Variants in MAGI1 observed in about 807,000 individuals in gnomAD.
The protein encoded by MAGI1 is membrane associated guanylate kinase, WW and PDZ domain containing 1.
In MAGI1, 58 loss-of-function variants were observed where a neutral mutation model predicts 139.9. The ratio of observed to expected loss-of-function variants is 0.41; its 90% confidence interval spans 0.34 to 0.52. MAGI1 has a LOEUF of 0.52. MAGI1 is among the 20% of genes least tolerant of loss of function. The pLI, the probability that MAGI1 is intolerant of heterozygous loss-of-function variation, is 0.12. For missense variants in MAGI1, 1,874 were observed against 1,901.6 expected (o/e 0.99, Z 0.27); for synonymous variants, 812 against 737.9 (o/e 1.10, Z -1.63).
At chr3:65,748,388 T>G (rs1257340190) in intron 1 of MAGI1, among the ~76,000 whole-genome samples, 3 of 152,122 alleles carry the variant, frequency 2.0e-5, no homozygotes, top group Non-Finnish European at 4.4e-5. Flanking sequence ...TGGGGATGAT[T>G]AATGCAAAGC....
chr3:65,877,541 T>C lies in MAGI1; in HGVS notation c.313+160455A>G, dbSNP rs2060162762. On this transcript the variant is annotated intron_variant, in intron 1 of 22. Coordinates refer to ENST00000402939, the MANE Select transcript of MAGI1 (RefSeq NM_001033057.2). Reference sequence around the variant, plus strand: ...GAAGACAGCATGCCTCTAAGACACTTGGAGAAAGTGTCTTAGCTCTCAGAC... The same window carrying C: ...GAAGACAGCATGCCTCTAAGACACTCGGAGAAAGTGTCTTAGCTCTCAGAC... Among the ~76,000 whole-genome samples, 7 of 152,128 alleles carry C rather than the reference T, an allele frequency of 4.6e-5. No homozygotes were observed. In the South Asian group the frequency reaches 1.5e-3, roughly 32 times the overall value.
At chr3:65,657,083 C>T (rs2085921371) in intron 1 of MAGI1, among the ~76,000 whole-genome samples, 1 of 151,576 alleles carries the variant, frequency 6.6e-6, no homozygotes, top group South Asian at 2.1e-4. Context: ...CTACTACATG[C>T]CAAGTATTGG....
intron 1 of MAGI1, among the ~76,000 whole-genome samples, chr3:65,730,387 G>A (rs2034063879): frequency 6.6e-6 from 1 of 152,138 alleles, no homozygotes. Flanking sequence ...ACCTTTCCAA[G>A]CAACATATCC....
chr3:65,478,780 G>T lies in MAGI1; in HGVS notation c.569C>A (p.Pro190His). 6.2e-7 allele frequency: 1 copy of T among 1,613,652 alleles called. No individual in the cohort carries two copies. Among genetic ancestry groups the T allele is most frequent in the Non-Finnish European group, 8.5e-7 (1 of 1,179,722 alleles). Residue 190 changes from proline (P) to histidine (H), a missense_variant, in exon 4 of 23, where the codon CCC (proline) becomes CAC (histidine). Coordinates refer to ENST00000402939, the MANE Select transcript of MAGI1 (RefSeq NM_001033057.2). ...GTYEGNYYGT[P>H]KPPSQPVSGK... ...ACTGACTGGCTGGCTAGGAGGCTTG[G>T]GTGTCCCATAATAGTTTCCTAGGTG...
chr3:65,762,609 T>C (rs772696538), intron 1 of MAGI1, among the ~76,000 whole-genome samples: 19 of 152,208 alleles, frequency 1.2e-4, no homozygotes, highest in African/African-American at 4.3e-4. Flanking sequence ...ACAAAAATGC[T>C]ATCAGTAACA....
At chr3:65,928,043 T>C (rs2062608167) in intron 1 of MAGI1, among the ~76,000 whole-genome samples, 1 of 152,172 alleles carries the variant, frequency 6.6e-6, no homozygotes, top group African/African-American at 2.4e-5. Context: ...TTTTTTTTCT[T>C]AGAATTTTCA....
intron 1 of MAGI1, among the ~76,000 whole-genome samples, chr3:65,638,676 C>T (rs1278720892): frequency 7.5e-6 from 1 of 133,024 alleles, no homozygotes; most frequent in Non-Finnish European, 1.6e-5. Context: ...GTGGTGCGAT[C>T]TCAGCTCACT....
chr3:65,406,839 A>G (rs1575635616), intron 12 of MAGI1, among the ~76,000 whole-genome samples: 1 of 152,054 alleles, frequency 6.6e-6, no homozygotes, highest in East Asian at 1.9e-4. Context: ...AGAGACAGAG[A>G]GAGTAGGAGC....
Position 65,860,180 on chromosome 3 carries a change from G to A in MAGI1, c.313+177816C>T, listed in dbSNP as rs770273065. Among the ~76,000 whole-genome samples the A allele has an allele frequency of 1.3e-3, 197 of 152,194 alleles. 1 individual carries two copies. The highest frequency in any genetic ancestry group is 2.1e-3 in the Non-Finnish European group (146 of 68,016). ...CAAAGTGTTGGGATTACAGGTGTCA[G>A]CCACCGCATCCAGCCTAATCAGGTA... is the stretch of plus-strand genomic sequence containing the variant. On this transcript the variant is annotated intron_variant, in intron 1 of 22. Transcript: ENST00000402939.
rs192642217 is a variant in MAGI1 at position 65,624,728 on chromosome 3, G to T, written c.314-2640C>A. On this transcript the variant is annotated intron_variant, in intron 1 of 22. Coordinates refer to ENST00000402939, the MANE Select transcript of MAGI1 (RefSeq NM_001033057.2). ...TGGAAATTGAGAAAACAGGGTGAAG[G>T]ACTTCTACATGACTTCTATACATGG... 1.1e-3 allele frequency among the ~76,000 whole-genome samples: 160 copies of T among 152,226 alleles called. 2 individuals carry two copies. Among genetic ancestry groups the T allele is most frequent in the African/African-American group, 3.7e-3 (155 of 41,524 alleles).
At chr3:65,489,750 T>C (rs1010561046) in intron 3 of MAGI1, among the ~76,000 whole-genome samples, 5 of 152,232 alleles carry the variant, frequency 3.3e-5, no homozygotes, top group African/African-American at 1.2e-4. Context: ...GAGATATACA[T>C]ATATGTTGTG....
chr3:65,690,853 C>G (rs929207701), intron 1 of MAGI1, among the ~76,000 whole-genome samples: 5 of 128,500 alleles, frequency 3.9e-5, no homozygotes, highest in Non-Finnish European at 6.3e-5. Flanking sequence ...TTGAATGATG[C>G]CTATGAAATA....
At position 65,400,750 on chromosome 3, in the gene MAGI1, A is replaced by ATTTTTTTTTTT. The variant is rs767598706; in HGVS notation, c.2199+678_2199+688dup. Among the ~76,000 whole-genome samples the ATTTTTTTTTTT allele has an allele frequency of 4.5e-4, 27 of 60,600 alleles. 2 individuals are homozygous for ATTTTTTTTTTT. The highest frequency in any genetic ancestry group is 5.4e-4 in the African/African-American group (8 of 14,904). The allele number at this position is 60,600 out of a possible 152,430, so 39.8% of individuals were successfully genotyped here. ...GATTGGAAAGGACAGCAAAACATTG[A>ATTTTTTTTTTT]TTTTTTTTTTTTTTTTTTTTTTTTT... On this transcript the variant is annotated intron_variant, in intron 13 of 22. Transcript: ENST00000402939.
At chr3:66,022,662 A>G (rs1014921250) in intron 1 of MAGI1, among the ~76,000 whole-genome samples, 3 of 152,192 alleles carry the variant, frequency 2.0e-5, no homozygotes, top group African/African-American at 7.2e-5. Context: ...ATTAACCCAT[A>G]GCTTTTGGAC....
At chr3:66,035,079 T>G (rs1441570575) in intron 1 of MAGI1, among the ~76,000 whole-genome samples, 1 of 152,214 alleles carries the variant, frequency 6.6e-6, no homozygotes, top group African/African-American at 2.4e-5. Flanking sequence ...TAATTATATA[T>G]AACTTTGTAA....
chr3:65,726,344 C>T (rs984670474), intron 1 of MAGI1, among the ~76,000 whole-genome samples: 2 of 152,250 alleles, frequency 1.3e-5, no homozygotes, highest in Non-Finnish European at 2.9e-5. Flanking sequence ...GAATATTCAG[C>T]ATACAGGATG....
chr3:65,977,581 C>T (rs1293171156), intron 1 of MAGI1, among the ~76,000 whole-genome samples: 1 of 151,960 alleles, frequency 6.6e-6, no homozygotes, highest in Admixed American at 6.6e-5. Flanking sequence ...CATGGTGGCA[C>T]ACACCTGTAG....
intron 1 of MAGI1, among the ~76,000 whole-genome samples, chr3:65,748,274 G>A (rs1559844970): frequency 6.6e-6 from 1 of 152,254 alleles, no homozygotes; most frequent in Admixed American, 6.5e-5. Context: ...GAGTTGCTGA[G>A]AACAGTGACA....
intron 2 of MAGI1, among the ~76,000 whole-genome samples, chr3:65,571,939 C>T (rs1382952158): frequency 6.6e-6 from 1 of 151,944 alleles, no homozygotes; most frequent in Non-Finnish European, 1.5e-5. Context: ...TATACCCAAC[C>T]TCATAACAGA....
Sources: allele counts gnomAD v4.1 joint callset (sites outside exome capture counted in the v4.1 genomes callset), GRCh38; gene constraint gnomAD v4.1.1; transcripts MANE v1.5; gene names NCBI Gene and HGNC (gene_info 2026-07-23, HGNC 2026-07-21).